The following USP45 variants were observed in gnomAD, a reference collection of about 807,000 sequenced individuals.
The protein encoded by USP45 is ubiquitin specific peptidase 45.
A neutral mutation model predicts 95.8 loss-of-function variants in USP45; 89 were observed. The ratio of observed to expected loss-of-function variants is 0.93; its 90% CI spans 0.78 to 1.11. USP45 has a LOEUF of 1.11. USP45 is among the 50% of genes least tolerant of loss of function. The pLI, the probability that USP45 is intolerant of heterozygous loss-of-function variation, is 0.00. For synonymous variants in USP45, 281 were observed against 316.2 expected (o/e 0.89, Z 1.18); for missense variants, 898 against 942.5 (o/e 0.95, Z 0.62).
chr6:99,511,926 C>A (rs1212502397), intron 1 of USP45, among the ~76,000 whole-genome samples: 1 of 146,030 alleles, frequency 6.8e-6, no homozygotes, highest in Admixed American at 6.9e-5. Context: ...GAGATCTTGA[C>A]AGTTCATCCC....
chr6:99,492,108 G>C (rs1435433182), intron 5 of USP45, among the ~76,000 whole-genome samples: 2 of 152,284 alleles, frequency 1.3e-5, no homozygotes, highest in African/African-American at 4.8e-5. Context: ...CAAAACATCT[G>C]GGATGGCATC....
At chr6:99,442,782 G>T (rs1055185602) in intron 15 of USP45, among the ~76,000 whole-genome samples, 1 of 152,192 alleles carries the variant, frequency 6.6e-6, no homozygotes, top group Non-Finnish European at 1.5e-5. Context: ...AGGAGTTGGA[G>T]GTTGCAGGGA....
chr6:99,457,099 G>A (rs4613830), intron 13 of USP45, among the ~76,000 whole-genome samples: 79,059 of 151,900 alleles, frequency 0.52, 21,156 homozygotes, highest in East Asian at 0.9. Context: ...TGGTCAGACC[G>A]GGTGCTCTCA....
chr6:99,515,958 T>C (rs936382175), upstream of USP45, among the ~76,000 whole-genome samples: 7 of 151,774 alleles, frequency 4.6e-5, no homozygotes, highest in Non-Finnish European at 7.4e-5. Context: ...GTATTTTGTT[T>C]AGTAGAGACG....
At chr6:99,450,208 C>CAA (rs551800573) in intron 13 of USP45, among the ~76,000 whole-genome samples, 40 of 148,696 alleles carry the variant, frequency 2.7e-4, no homozygotes, top group African/African-American at 9.9e-4. Context: ...GATAGAGACA[C>CAA]AAAAAAAAAC....
At chr6:99,471,243 C>T (rs953537993) in intron 9 of USP45, among the ~76,000 whole-genome samples, 5 of 152,082 alleles carry the variant, frequency 3.3e-5, no homozygotes, top group African/African-American at 9.7e-5. Flanking sequence ...TATACAATTC[C>T]TCATTGTTAA....
Position 99,446,153 on chromosome 6 carries a change from C to T in USP45, c.1619G>A (p.Gly540Asp). Residue 540 changes from glycine to aspartate, a missense_variant, in exon 14 of 18, where the codon GGT becomes GAT. By Grantham distance (94) the Gly-to-Asp change is moderately conservative. Transcript: ENST00000500704. ...PDGPLYPLSA[G>D]KLLYTKETDS... The stretch of plus-strand genomic sequence containing the variant: ...AGTCTCCTTGGTGTACAGCAGTTTA[C>T]CTGCTGACAGAGGGTAAAGGGGTCC... 2 of 1,614,146 alleles carry T rather than the reference C, an allele frequency of 1.2e-6. No homozygotes were observed. The highest frequency in any genetic ancestry group is 1.1e-5 in the South Asian group (1 of 91,084).
At chr6:99,476,757 A>G (rs1790980820) in intron 8 of USP45, among the ~76,000 whole-genome samples, 1 of 152,234 alleles carries the variant, frequency 6.6e-6, no homozygotes, top group Admixed American at 6.5e-5. Flanking sequence ...ATTCAAACCC[A>G]AGCCACTGTG....
intron 13 of USP45, among the ~76,000 whole-genome samples, chr6:99,446,897 C>A (rs757383076): frequency 1.3e-5 from 2 of 152,192 alleles, no homozygotes; most frequent in Non-Finnish European, 2.9e-5. Flanking sequence ...GTATGTACCA[C>A]CATACCTGGC....
At position 99,486,344 on chromosome 6, in the gene USP45, T is replaced by G. The variant is rs566306192; in HGVS notation, c.714+1856A>C. Among the ~76,000 whole-genome samples, 269 of 152,276 alleles carry G rather than the reference T, an allele frequency of 1.8e-3. 1 individual carries two copies. The highest frequency in any genetic ancestry group is 3.4e-3 in the Middle Eastern group (1 of 294). On this transcript the variant is annotated intron_variant, in intron 7 of 17. Transcript: ENST00000500704. ...TTAACTACAGTATCTAATTGCCATA[T>G]AGTAATCCTGAAACACAGCTCTGCA...
chr6:99,476,176 A>T lies in USP45; in HGVS notation c.900T>A (p.Tyr300Ter). Reference protein sequence around the residue: ...QQQDSQELLHYLLDAVRTEET... With the variant: ...QQQDSQELLH ...CTTCTGTCCTCACTGCATCCAGAAGATAATGAAGAAGCTCCTGACTGTCCT... is the reference window on the plus strand; with the variant it reads ...CTTCTGTCCTCACTGCATCCAGAAGTTAATGAAGAAGCTCCTGACTGTCCT... Residue 300 changes from tyrosine (Y) to a stop codon, truncating the protein, a stop_gained, in exon 9 of 18, where the codon TAT becomes TAA. Coordinates refer to ENST00000500704, the MANE Select transcript of USP45 (RefSeq NM_001346022.3). LOFTEE classifies it high-confidence loss of function. The T allele has an allele frequency of 6.2e-7, 1 of 1,614,094 alleles. No individual in the cohort carries two copies.
chr6:99,504,973 A>C lies in USP45; in HGVS notation c.378-1108T>G, dbSNP rs926836288. On this transcript the variant is annotated intron_variant, in intron 4 of 17. Transcript: ENST00000500704. ...GAGTTGATAATGTTTAAAGCTGGAA[A>C]AACAACAACAACAACAACTGAAGCT... Among the ~76,000 whole-genome samples the C allele has an allele frequency of 1.2e-3, 180 of 152,238 alleles. 2 individuals are homozygous for C. The highest frequency in any genetic ancestry group is 4.2e-3 in the African/African-American group (176 of 41,578).
rs181446379 is a variant in USP45 at position 99,461,368 on chromosome 6, T to A, written c.1308+3236A>T. The A allele has an allele frequency of 1.1e-5, 11 of 985,364 alleles. No homozygotes were observed. In the East Asian group the frequency reaches 7.9e-4, roughly 71 times the overall value. 61.0% of individuals were successfully genotyped at this position (985,364 alleles called of 1,614,324 possible). A position where few individuals can be genotyped will look rare whatever the true frequency, so the allele number is the denominator to read the frequency against. On this transcript the variant is annotated intron_variant, in intron 13 of 17. Transcript: ENST00000500704. ...TTTGGTAGCCATTTGTTGCAGCTCATTTTACCTTAGTTTTTGGTTCAAGAA... is the reference window on the plus strand; with the variant it reads ...TTTGGTAGCCATTTGTTGCAGCTCAATTTACCTTAGTTTTTGGTTCAAGAA...
chr6:99,501,985 AGATGAATCAG>A, intron 5 of USP45: 3 of 1,303,368 alleles, frequency 2.3e-6, no homozygotes, highest in Non-Finnish European at 3.0e-6. Context: ...TATGCTGAAG[AGATGAATCAG>A]GATGGGGCCT....
intron 9 of USP45, among the ~76,000 whole-genome samples, chr6:99,475,713 A>G (rs1370837453): frequency 1.3e-5 from 2 of 152,244 alleles, no homozygotes; most frequent in South Asian, 2.1e-4. Context: ...ATAAAGGTAA[A>G]TATCTTACAG....
intron 9 of USP45, among the ~76,000 whole-genome samples, chr6:99,473,665 G>A (rs146996091): frequency 6.6e-6 from 1 of 151,882 alleles, no homozygotes; most frequent in African/African-American, 2.4e-5. Context: ...TGAGGCAGGA[G>A]AATCACTTGA....
At chr6:99,457,625 G>A (rs1785397673) in intron 13 of USP45, among the ~76,000 whole-genome samples, 1 of 152,166 alleles carries the variant, frequency 6.6e-6, no homozygotes, top group African/African-American at 2.4e-5. Context: ...CAGGTTTTTA[G>A]TAACTTGTCC....
chr6:99,466,066 T>C (rs1787879974), intron 11 of USP45, among the ~76,000 whole-genome samples: 1 of 152,002 alleles, frequency 6.6e-6, no homozygotes, highest in African/African-American at 2.4e-5. Flanking sequence ...ACCCAGGCTA[T>C]AGTGCAGTAG....
Position 99,445,088 on chromosome 6 carries a change from A to G in USP45, c.1975+709T>C, listed in dbSNP as rs553345944. Among the ~76,000 whole-genome samples the G allele has an allele frequency of 2.8e-4, 42 of 152,312 alleles. No homozygotes were observed. The East Asian group carries it at 3.7e-3, about 13-fold the overall frequency. ...AGCGCTAGCTTTATGACATGCTACT[A>G]TTTAAAATCTTCAAAATTTATCTTA... On this transcript the variant is annotated intron_variant, in intron 14 of 17. Coordinates refer to ENST00000500704, the MANE Select transcript of USP45 (RefSeq NM_001346022.3).
Sources: allele counts gnomAD v4.1 joint callset (sites outside exome capture counted in the v4.1 genomes callset), GRCh38; gene constraint gnomAD v4.1.1; transcripts MANE v1.5; gene names NCBI Gene and HGNC (gene_info 2026-07-23, HGNC 2026-07-21).